NIBAN1: variants seen among roughly 807,000 people sequenced by gnomAD.
NIBAN1 encodes niban apoptosis regulator 1.
In NIBAN1, 81 loss-of-function variants were observed where a neutral mutation model predicts 75.1. The ratio of observed to expected loss-of-function variants is 1.08; its 90% CI spans 0.90 to 1.30. NIBAN1 has a LOEUF of 1.30. Ranked by LOEUF, NIBAN1 falls within the 50% of genes most tolerant of loss-of-function variation. NIBAN1 has a pLI of 0.00. For missense variants in NIBAN1, 1,133 were observed against 1,128.1 expected (o/e 1.00, Z -0.06); for synonymous variants, 436 against 424.8 (o/e 1.03, Z -0.32).
intron 5 of NIBAN1, among the ~76,000 whole-genome samples, chr1:184,862,066 AT>A (rs1655831470): frequency 6.6e-6 from 1 of 152,310 alleles, no homozygotes; most frequent in East Asian, 1.9e-4. Flanking sequence ...GAACAATAAG[AT>A]TGACCTGGCC....
At position 184,793,414 on chromosome 1, in the gene NIBAN1, G is replaced by A. The variant is rs1653748655; in HGVS notation, c.*1563C>T. On this transcript the variant is annotated 3_prime_UTR_variant, in exon 14 of 14. Transcript: ENST00000367511. ...CTACCAAAAATACAAAAATTAGCCG[G>A]GAATGGTGCCGCATGGCTGTAATTC... 6.6e-6 allele frequency: 1 copy of A among 152,054 alleles called. No homozygotes were observed. The highest frequency in any genetic ancestry group is 2.4e-5 in the African/African-American group (1 of 41,390). The allele number at this position is 152,054 out of a possible 1,614,324, so 9.4% of individuals were successfully genotyped here.
At chr1:184,881,510 C>A (rs1361325147) in intron 5 of NIBAN1, among the ~76,000 whole-genome samples, 1 of 152,140 alleles carries the variant, frequency 6.6e-6, no homozygotes, top group Non-Finnish European at 1.5e-5. Context: ...GGGTCCCGAT[C>A]CAGATCCCAA....
At chr1:184,903,156 A>T (rs910190883) in intron 1 of NIBAN1, among the ~76,000 whole-genome samples, 1 of 152,230 alleles carries the variant, frequency 6.6e-6, no homozygotes, top group Non-Finnish European at 1.5e-5. Flanking sequence ...GCCAGGTCTT[A>T]TACTGAAAGG....
chr1:184,887,334 A>G (rs1323818708), intron 4 of NIBAN1, among the ~76,000 whole-genome samples: 1 of 152,148 alleles, frequency 6.6e-6, no homozygotes, highest in African/African-American at 2.4e-5. Flanking sequence ...AATGCTATAG[A>G]GACACCTGTA....
At chr1:184,913,656 A>G (rs1192153266) in intron 1 of NIBAN1, among the ~76,000 whole-genome samples, 1 of 152,158 alleles carries the variant, frequency 6.6e-6, no homozygotes, top group Non-Finnish European at 1.5e-5. Context: ...ATAGGTGAAA[A>G]CCAAACCAAC....
At position 184,799,967 on chromosome 1, in the gene NIBAN1, G is replaced by A. The variant is rs1357009068; in HGVS notation, c.1555-1777C>T. 2.3e-4 allele frequency among the ~76,000 whole-genome samples: 23 copies of A among 99,022 alleles called. 8 individuals are homozygous for A. In the East Asian group the frequency reaches 7.3e-3, roughly 32 times the overall value. 65.0% of individuals were successfully genotyped at this position (99,022 alleles called of 152,430 possible). On this transcript the variant is annotated intron_variant, in intron 12 of 13. Transcript: ENST00000367511. ...TCACCGTGTTAGCCAGGATGGTCTC[G>A]ATCTCCTGACCTCGTGATCCGCCCG...
In NIBAN1 at chr1:184,845,742, A is replaced by G. The variant is rs1293865501; in HGVS notation, c.602-13780T>C. Among the ~76,000 whole-genome samples, 3 of 88,328 alleles carry G rather than the reference A, an allele frequency of 3.4e-5. 1 individual carries two copies. The highest frequency in any genetic ancestry group is 1.1e-4 in the African/African-American group (2 of 18,718). The allele number at this position is 88,328 out of a possible 152,430, so 57.9% of individuals were successfully genotyped here. A position where few individuals can be genotyped will look rare whatever the true frequency, so the allele number is the denominator to read the frequency against. ...TTCATCTCACTAGGGAGTGCCAGAC[A>G]GTGGGCGCAGGCCAGTGTGTGTGCG... is the stretch of plus-strand genomic sequence containing the variant. On this transcript the variant is annotated intron_variant, in intron 5 of 13. Transcript: ENST00000367511.
At chr1:184,917,514 C>T (rs1261034219) in intron 1 of NIBAN1, among the ~76,000 whole-genome samples, 1 of 151,532 alleles carries the variant, frequency 6.6e-6, no homozygotes, top group Admixed American at 6.6e-5. Context: ...CGGCCGGTCT[C>T]TTCCACTTTT....
chr1:184,800,874 G>C (rs7528487), intron 12 of NIBAN1, among the ~76,000 whole-genome samples: 23,450 of 152,128 alleles, frequency 0.15, 3,217 homozygotes, highest in African/African-American at 0.38. Context: ...GGGAGACTCT[G>C]TAGTCAAGGG....
At chr1:184,913,961 G>T (rs1165749633) in intron 1 of NIBAN1, among the ~76,000 whole-genome samples, 1 of 152,128 alleles carries the variant, frequency 6.6e-6, no homozygotes, top group Non-Finnish European at 1.5e-5. Context: ...ACCATTAATG[G>T]TTTATACTAA....
At chr1:184,800,906 C>T (rs556947456) in intron 12 of NIBAN1, among the ~76,000 whole-genome samples, 1 of 152,206 alleles carries the variant, frequency 6.6e-6, no homozygotes, top group South Asian at 2.1e-4. Context: ...CATTCTCTTT[C>T]TCTTCAGCTG....
intron 5 of NIBAN1, among the ~76,000 whole-genome samples, chr1:184,842,372 G>A (rs182219970): frequency 5.9e-5 from 9 of 152,292 alleles, no homozygotes; most frequent in East Asian, 5.8e-4. Context: ...AGAAGCTCCC[G>A]AGGTGATGCT....
At chr1:184,936,712 T>C (rs1006430662) in intron 1 of NIBAN1, among the ~76,000 whole-genome samples, 1 of 152,056 alleles carries the variant, frequency 6.6e-6, no homozygotes, top group Admixed American at 6.6e-5. Flanking sequence ...TGTGTGTGCG[T>C]GTGTGTGTGT....
intron 9 of NIBAN1, among the ~76,000 whole-genome samples, chr1:184,811,131 G>A (rs1020816788): frequency 1.3e-5 from 2 of 152,222 alleles, no homozygotes; most frequent in South Asian, 2.1e-4. Context: ...GGAATTAACT[G>A]GCTTGGACCC....
intron 5 of NIBAN1, among the ~76,000 whole-genome samples, chr1:184,875,442 A>G (rs1656206602): frequency 6.6e-6 from 1 of 152,194 alleles, no homozygotes; most frequent in South Asian, 2.1e-4. Flanking sequence ...CTTCCCAGGA[A>G]GTTTACTCAC....
At chr1:184,940,902 A>C (rs1484331475) in intron 1 of NIBAN1, among the ~76,000 whole-genome samples, 1 of 152,254 alleles carries the variant, frequency 6.6e-6, no homozygotes. Flanking sequence ...TGTGTTGAAC[A>C]GGTTGACTTC....
Position 184,832,025 on chromosome 1 carries a change from C to A in NIBAN1, c.602-63G>T. 2.6e-6 allele frequency: 3 copies of A among 1,167,316 alleles called. No individual in the cohort carries two copies. The South Asian group carries it at 3.7e-5, about 14-fold the overall frequency. 72.3% of individuals were successfully genotyped at this position (1,167,316 alleles called of 1,614,324 possible). A position where few individuals can be genotyped will look rare whatever the true frequency, so the allele number is the denominator to read the frequency against. On this transcript the variant is annotated intron_variant, in intron 5 of 13. Transcript: ENST00000367511. The stretch of plus-strand genomic sequence containing the variant: ...CACTCTAGATTTCCCCATAGCTCTT[C>A]AAGTGTAATGGCTCAGAGACCTAGC...
Position 184,794,572 on chromosome 1 carries a change from A to G in NIBAN1, c.*405T>C, listed in dbSNP as rs1484344420. 6.3e-6 allele frequency: 2 copies of G among 319,068 alleles called. No homozygotes were observed. The highest frequency in any genetic ancestry group is 9.0e-5 in the East Asian group (1 of 11,150). The allele number at this position is 319,068 out of a possible 1,614,324, so 19.8% of individuals were successfully genotyped here. A position where few individuals can be genotyped will look rare whatever the true frequency, so the allele number is the denominator to read the frequency against. On this transcript the variant is annotated 3_prime_UTR_variant, in exon 14 of 14. Coordinates refer to ENST00000367511, the MANE Select transcript of NIBAN1 (RefSeq NM_052966.4). ...TAGATAGTAAAGGTAGACTTACAGT[A>G]TACATTTGCATTCTCAAACAAAATT...
chr1:184,974,455 A>G lies in NIBAN1; in HGVS notation c.-99T>C, dbSNP rs1659024152. 2.1e-6 allele frequency: 3 copies of G among 1,443,960 alleles called. No homozygotes were observed. Among genetic ancestry groups the G allele is most frequent in the Non-Finnish European group, 2.8e-6 (3 of 1,079,240 alleles). 89.4% of individuals were successfully genotyped at this position (1,443,960 alleles called of 1,614,324 possible). Reference sequence around the variant, plus strand: ...GACGGCGAACCCGGCTCTGAAATTAAGAGCAAACTTCCTTCGAGAGGCGAG... The same window carrying G: ...GACGGCGAACCCGGCTCTGAAATTAGGAGCAAACTTCCTTCGAGAGGCGAG... On this transcript the variant is annotated 5_prime_UTR_variant, in exon 1 of 14. Coordinates refer to ENST00000367511, the MANE Select transcript of NIBAN1 (RefSeq NM_052966.4).
Sources: allele counts gnomAD v4.1 joint callset (sites outside exome capture counted in the v4.1 genomes callset), GRCh38; gene constraint gnomAD v4.1.1; transcripts MANE v1.5; gene names NCBI Gene and HGNC (gene_info 2026-07-23, HGNC 2026-07-21).